COL5A3: variants seen among roughly 807,000 people sequenced by gnomAD.
COL5A3 encodes the protein collagen alpha-3(V) chain.
A neutral mutation model predicts 250.0 loss-of-function variants in COL5A3; 172 were observed. The ratio of observed to expected loss-of-function variants is 0.69; its 90% CI spans 0.61 to 0.78. The LOEUF is 0.78. Ranked by LOEUF, COL5A3 falls within the 30% of genes least tolerant of loss-of-function variation. The pLI, the probability that COL5A3 is intolerant of heterozygous loss-of-function variation, is 0.00. For synonymous variants in COL5A3, 937 were observed against 900.4 expected, an observed-to-expected ratio of 1.04 and a Z score of -0.73; for missense variants, 2,340 against 2,334.4, an observed-to-expected ratio of 1.00 and a Z score of -0.05.
intron 22 of COL5A3, 51 bp from the exon 23 acceptor site, chr19:9,991,892 G>A: frequency 6.3e-7 from 1 of 1,590,956 alleles, no homozygotes; most frequent in Non-Finnish European, 8.6e-7. Flanking sequence ...ATGGTGTTGG[G>A]GCGTTAGTGA....
rs762054437 is a variant in COL5A3, at chr19:9,966,517, C to CG, written c.4669+18dup. 6.5e-7 allele frequency: 1 copy of CG among 1,535,950 alleles called. No individual in the cohort carries two copies. The highest frequency in any genetic ancestry group is 8.8e-7 in the Non-Finnish European group (1 of 1,139,496). On this transcript the variant is annotated intron_variant, in intron 63 of 66. Transcript: ENST00000264828. ...ACCCCCACTCCGCCCATCCAAGTGG[C>CG]GGGGGGACCGGACCTCACCATCAGG...
chr19:9,996,975 A>G (rs2087283449), intron 11 of COL5A3: 1 of 533,836 alleles, frequency 1.9e-6, no homozygotes. Context: ...ACAGAGAGAG[A>G]TAGACAGAGA....
intron 24 of COL5A3, among the ~76,000 whole-genome samples, chr19:9,989,845 G>T (rs1441037424): frequency 6.6e-6 from 1 of 152,052 alleles, no homozygotes; most frequent in Non-Finnish European, 1.5e-5. Flanking sequence ...TCAGCTCACT[G>T]CAACCTCTTC....
intron 6 of COL5A3, among the ~76,000 whole-genome samples, chr19:10,002,166 C>G (rs2087372942): frequency 6.6e-6 from 1 of 152,086 alleles, no homozygotes; most frequent in Admixed American, 6.6e-5. Context: ...GAAGCCTAGC[C>G]CACATGTCCT....
intron 11 of COL5A3, chr19:9,996,944 T>C (rs2087282728): frequency 1.8e-6 from 1 of 542,666 alleles, no homozygotes; most frequent in Non-Finnish European, 3.2e-6. Context: ...TGGAGAGACA[T>C]ACAGAGACAG....
At position 9,980,809 on chromosome 19, in the gene COL5A3, G is replaced by A. The variant is rs764220475; in HGVS notation, c.2556C>T (p.Pro852=). The A allele has an allele frequency of 6.2e-7, 1 of 1,612,944 alleles. No homozygotes were observed. The highest frequency in any genetic ancestry group is 8.5e-7 in the Non-Finnish European group (1 of 1,179,496). The change falls in exon 34 of 67, where the codon CCC becomes CCT. Residue 852 remains proline (P), a synonymous_variant. Transcript: ENST00000264828. The part of the protein sequence containing the change: ...GQPGATGQPG[P]KGDVGQDGAP... ...TGATTGCCCACCCATCCCATACCTT[G>A]GGGCCTGGTTGCCCTGTGGCACCCG...
chr19:9,991,919 G>A (rs1453120486), intron 22 of COL5A3, 78 bp from the exon 23 acceptor site: 9 of 1,568,902 alleles, frequency 5.7e-6, no homozygotes, highest in East Asian at 2.2e-5. Context: ...CTTGGGGGGG[G>A]TCAGTCATGG....
intron 21 of COL5A3, 127 bp downstream of exon 21, chr19:9,992,700 C>T: frequency 2.2e-6 from 2 of 894,344 alleles, no homozygotes; most frequent in Non-Finnish European, 3.5e-6. Context: ...TCACCTGAAC[C>T]CAGGAGCCGG....
intron 54 of COL5A3, among the ~76,000 whole-genome samples, chr19:9,970,394 AGTGGGGTCTGTGGGGTGAGTGGGGG>A (rs1568407735): frequency 0.038 from 2,046 of 54,438 alleles, 2 homozygotes; most frequent in Middle Eastern, 0.14. Context: ...CTGTGGGGTG[AGTGGGGTCTGTGGGGTGAGTGGGGG>A]CTGTAAGGTG....
chr19:9,961,588 T>G (rs1216450884), intron 65 of COL5A3, among the ~76,000 whole-genome samples: 2 of 150,118 alleles, frequency 1.3e-5, no homozygotes, highest in Non-Finnish European at 3.0e-5. Flanking sequence ...AGACGGAGTC[T>G]TGCTCTGTCG....
intron 24 of COL5A3, 150 bp from the exon 25 acceptor site, chr19:9,989,672 C>T (rs767913659): frequency 4.4e-5 from 30 of 688,092 alleles, no homozygotes; most frequent in Non-Finnish European, 6.9e-5. Flanking sequence ...CCCAAACTTG[C>T]TGTGTGACCC....
chr19:9,988,056 G>T (rs1215087782), intron 27 of COL5A3, among the ~76,000 whole-genome samples: 2 of 152,016 alleles, frequency 1.3e-5, no homozygotes, highest in African/African-American at 4.8e-5. Context: ...CCAACATGGA[G>T]AAATCCTGTC....
chr19:9,968,919 T>C lies in COL5A3; in HGVS notation c.4153-191A>G. The C allele has an allele frequency of 1.6e-6, 1 of 644,528 alleles. No homozygotes were observed. Among genetic ancestry groups the C allele is most frequent in the Admixed American group, 2.9e-5 (1 of 34,292 alleles). The allele number at this position is 644,528 out of a possible 1,614,324, so 39.9% of individuals were successfully genotyped here. A position where few individuals can be genotyped will look rare whatever the true frequency, so the allele number is the denominator to read the frequency against. On this transcript the variant is annotated intron_variant, in intron 57 of 66. Coordinates refer to ENST00000264828, the MANE Select transcript of COL5A3 (RefSeq NM_015719.4). This position sits in a 1 kb window ranked among gnomAD's most constrained non-coding sequence, Gnocchi z 4.1. ...AGCTAATGAGGGGTTGACTGGAGGA[T>C]GGACAACGTGAGTGGTCAGTGGCCA... is the stretch of plus-strand genomic sequence containing the variant.
chr19:9,967,444 A>G (rs764354922), intron 61 of COL5A3, 44 bp from the exon 62 acceptor site: 2 of 1,382,458 alleles, frequency 1.4e-6, no homozygotes, highest in South Asian at 2.9e-5. Flanking sequence ...GTCTATGGAG[A>G]CCCTTCCCAC....
chr19:9,996,172 T>C, intron 14 of COL5A3, 34 bp downstream of exon 14: 1 of 1,555,026 alleles, frequency 6.4e-7, no homozygotes, highest in Middle Eastern at 1.7e-4. Flanking sequence ...CACTAATGCA[T>C]GCACCGCCCC....
chr19:9,960,358 C>T lies in COL5A3; in HGVS notation c.*53G>A. 1 of 1,609,438 alleles carries T rather than the reference C, an allele frequency of 6.2e-7. No homozygotes were observed. The highest frequency in any genetic ancestry group is 1.1e-5 in the South Asian group (1 of 90,922). ...TACGGTGGCTTCAAAGCCTCAGCAC[C>T]AAATGCACCCCATTCTGGGGCTCCC... is the stretch of plus-strand genomic sequence containing the variant. On this transcript the variant is annotated 3_prime_UTR_variant, in exon 67 of 67. Coordinates refer to ENST00000264828, the MANE Select transcript of COL5A3 (RefSeq NM_015719.4).
intron 31 of COL5A3, among the ~76,000 whole-genome samples, chr19:9,983,925 A>C (rs75854655): frequency 6.6e-6 from 1 of 151,838 alleles, no homozygotes; most frequent in Non-Finnish European, 1.5e-5. Flanking sequence ...AAAAAAAAAA[A>C]CCACTGTCAA....
rs2145108293 is a variant in COL5A3, at chr19:9,986,319, T to C, written c.2348A>G (p.Glu783Gly). ...AGAGGGTGGAGAGTCATTTACCTTCTCCCCAGCTGAGCCTGGGGGCCCCTC... is the reference window on the plus strand; with the variant it reads ...AGAGGGTGGAGAGTCATTTACCTTCCCCCCAGCTGAGCCTGGGGGCCCCTC... ...GEEGPPGSAG[E>G]KGKLGVPGLP... Residue 783 changes from glutamate (E) to glycine (G), a missense_variant, in exon 30 of 67, where the codon GAG becomes GGG. Around this residue, in one of 3 missense-constraint regions of COL5A3, gnomAD observed 1,152 missense variants for 1,146.3 expected, o/e 1.00. Transcript: ENST00000264828. 6.4e-7 allele frequency: 1 copy of C among 1,560,510 alleles called. No individual in the cohort carries two copies. Among genetic ancestry groups the C allele is most frequent in the Non-Finnish European group, 8.6e-7 (1 of 1,161,024 alleles).
At chr19:9,989,422 A>G (rs747510337) in intron 25 of COL5A3, 47 bp downstream of exon 25, 26 of 1,613,580 alleles carry the variant, frequency 1.6e-5, no homozygotes, top group Non-Finnish European at 1.9e-5. Flanking sequence ...TCCAATTCCC[A>G]AGGCTCCCCT....
Sources: allele counts gnomAD v4.1 joint callset (sites outside exome capture counted in the v4.1 genomes callset), GRCh38; gene constraint gnomAD v4.1.1; regional missense constraint gnomAD v4.1.1; non-coding constraint Gnocchi (gnomAD v3.1); transcripts MANE v1.5; gene names NCBI Gene and HGNC (gene_info 2026-07-23, HGNC 2026-07-21).